Variants in EHMT1 observed in about 807,000 individuals in gnomAD.
The protein encoded by EHMT1 is euchromatic histone lysine methyltransferase 1.
A neutral mutation model predicts 147.2 loss-of-function variants in EHMT1; 15 were observed. The observed-to-expected ratio is 0.10, with a 90% CI of 0.07 to 0.16. The LOEUF (loss-of-function observed/expected upper bound fraction) is 0.16. Ranked by LOEUF, EHMT1 falls within the 10% of genes least tolerant of loss-of-function variation. The probability of loss-of-function intolerance (pLI) is 1.00; values close to 1 mark genes in which losing one functional copy is unlikely to be tolerated. For synonymous variants in EHMT1, 795 were observed against 709.6 expected, an observed-to-expected ratio of 1.12 and a Z score of -1.91; for missense variants, 1,587 against 1,772.4, an observed-to-expected ratio of 0.90 and a Z score of 1.88.
chr9:137,814,030 C>T (rs1954709044), intron 21 of EHMT1, among the ~76,000 whole-genome samples: 1 of 148,794 alleles, frequency 6.7e-6, no homozygotes, highest in Admixed American at 6.7e-5. Flanking sequence ...CAGCTCCCTC[C>T]TCTTCCCAGG....
intron 1 of EHMT1, chr9:137,666,911 T>G (rs910759735): frequency 6.6e-6 from 1 of 152,306 alleles, no homozygotes; most frequent in Middle Eastern, 3.4e-3. Flanking sequence ...ATTAATTAAT[T>G]GTAAATAACA....
At chr9:137,800,566 A>C in intron 17 of EHMT1, 1 of 434,338 alleles carries the variant, frequency 2.3e-6, no homozygotes, top group Non-Finnish European at 4.3e-6. Context: ...CGTTGCACGC[A>C]GCTGTGTTGG....
intron 1 of EHMT1, among the ~76,000 whole-genome samples, chr9:137,681,094 A>G (rs1941898846): frequency 6.6e-6 from 1 of 152,238 alleles, no homozygotes; most frequent in African/African-American, 2.4e-5. Context: ...AGCAAAGCCC[A>G]GGCCACTCTC....
At chr9:137,760,318 C>T (rs1949705249) in intron 9 of EHMT1, among the ~76,000 whole-genome samples, 1 of 152,200 alleles carries the variant, frequency 6.6e-6, no homozygotes, top group African/African-American at 2.4e-5. Context: ...ACTGCAGCCT[C>T]TTGGCTGCTG....
chr9:137,661,031 C>T (rs1265766410), intron 1 of EHMT1, among the ~76,000 whole-genome samples: 2 of 152,118 alleles, frequency 1.3e-5, no homozygotes, highest in Admixed American at 6.6e-5. Flanking sequence ...GGTTAGGACA[C>T]GATATGATGT....
intron 22 of EHMT1, 38 bp downstream of exon 22, chr9:137,814,546 G>A (rs766989275): frequency 6.3e-7 from 1 of 1,597,804 alleles, no homozygotes; most frequent in Non-Finnish European, 8.5e-7. Context: ...CAGGTGGTAA[G>A]TGCCGCTGGT....
chr9:137,635,690 G>T (rs1225535082), intron 1 of EHMT1, among the ~76,000 whole-genome samples: 1 of 150,868 alleles, frequency 6.6e-6, no homozygotes, highest in Non-Finnish European at 1.5e-5. Flanking sequence ...CGTGGTGGCG[G>T]GCGCCTGTAG....
intron 1 of EHMT1, among the ~76,000 whole-genome samples, chr9:137,708,259 G>A (rs1043401876): frequency 6.6e-6 from 1 of 152,222 alleles, no homozygotes; most frequent in South Asian, 2.1e-4. Flanking sequence ...AGCCTGAGGT[G>A]ATACTGTCTG....
chr9:137,773,871 G>T (rs1950751570), intron 10 of EHMT1, among the ~76,000 whole-genome samples: 2 of 152,098 alleles, frequency 1.3e-5, no homozygotes, highest in Admixed American at 1.3e-4. Flanking sequence ...TATTTTTGGG[G>T]GGGCTACTTC....
intron 1 of EHMT1, among the ~76,000 whole-genome samples, chr9:137,709,678 G>T (rs945527881): frequency 7.0e-6 from 1 of 142,066 alleles, no homozygotes; most frequent in Admixed American, 7.2e-5. Flanking sequence ...CTTCTTACCT[G>T]TTGATAGTCA....
Position 137,754,192 on chromosome 9 carries a change from A to G in EHMT1, c.1270A>G (p.Lys424Glu). 1 of 1,614,136 alleles carries G rather than the reference A, an allele frequency of 6.2e-7. No homozygotes were observed. Among genetic ancestry groups the G allele is most frequent in the Non-Finnish European group, 8.5e-7 (1 of 1,180,006 alleles). Residue 424 changes from lysine to glutamate, a missense_variant, in exon 8 of 27, where the codon AAG (lysine) becomes GAG (glutamate). Around this residue, in one of 7 missense-constraint regions of EHMT1, gnomAD observed 810 missense variants for 673.0 expected, o/e 1.20. Transcript: ENST00000460843. ...SDLSSESSIK[K>E]KFLKRKGKTD... ...CCAGAGTTCGGAATCCAGCATTAAG[A>G]AGAAATTTCTCAAGAGGAAAGGAAA...
At chr9:137,784,114 G>T (rs1437726449) in intron 15 of EHMT1, 2 of 1,433,704 alleles carry the variant, frequency 1.4e-6, no homozygotes, top group East Asian at 2.5e-5. Context: ...AGTTCTGCAG[G>T]CTGGGAAGCC....
chr9:137,638,542 G>C (rs1021499373), intron 1 of EHMT1: 1 of 152,158 alleles, frequency 6.6e-6, no homozygotes, highest in African/African-American at 2.4e-5. Context: ...ACTGCACCCG[G>C]CCTAGTTTTT....
At chr9:137,789,156 G>C (rs1374217204) in intron 15 of EHMT1, 1 of 152,394 alleles carries the variant, frequency 6.6e-6, no homozygotes, top group East Asian at 1.9e-4. Flanking sequence ...GCAGCCTCCC[G>C]TTTCCTGTGG....
At chr9:137,669,413 TC>T (rs1564562764) in intron 1 of EHMT1, among the ~76,000 whole-genome samples, 72 of 29,316 alleles carry the variant, frequency 2.5e-3, no homozygotes, top group African/African-American at 4.5e-3. Context: ...GCACGTGCAC[TC>T]CACGACTGCA....
At chr9:137,670,712 G>A (rs1271624413) in intron 1 of EHMT1, among the ~76,000 whole-genome samples, 1 of 152,162 alleles carries the variant, frequency 6.6e-6, no homozygotes, top group African/African-American at 2.4e-5. Context: ...TGCCCCTCCT[G>A]GCTCCAGTTC....
chr9:137,769,657 C>T (rs1950468729), intron 10 of EHMT1, among the ~76,000 whole-genome samples: 1 of 151,958 alleles, frequency 6.6e-6, no homozygotes, highest in African/African-American at 2.4e-5. Context: ...CCAATATTTG[C>T]TTTGGTTTTC....
At chr9:137,677,516 C>T (rs1941479793) in intron 1 of EHMT1, among the ~76,000 whole-genome samples, 2 of 151,990 alleles carry the variant, frequency 1.3e-5, no homozygotes, top group Admixed American at 1.3e-4. Flanking sequence ...AGCTCTGCCT[C>T]CCGGGTTCAC....
At chr9:137,702,081 A>C (rs1235322443) in intron 1 of EHMT1, among the ~76,000 whole-genome samples, 1 of 152,158 alleles carries the variant, frequency 6.6e-6, no homozygotes, top group African/African-American at 2.4e-5. Context: ...GATGTGAGCC[A>C]CTGCGCCCAG....
Sources: allele counts gnomAD v4.1 joint callset (sites outside exome capture counted in the v4.1 genomes callset), GRCh38; gene constraint gnomAD v4.1.1; regional missense constraint gnomAD v4.1.1; transcripts MANE v1.5; gene names NCBI Gene and HGNC (gene_info 2026-07-23, HGNC 2026-07-21).